RORA: variants seen among roughly 807,000 people sequenced by gnomAD.
RORA encodes the protein nuclear receptor ROR-alpha.
Under a neutral mutation model 69.5 loss-of-function variants are expected in RORA, and 7 were observed. The observed-to-expected ratio is 0.10, with a 90% CI of 0.06 to 0.19. The LOEUF is 0.19. Ranked by LOEUF, RORA falls within the 10% of genes least tolerant of loss-of-function variation. The probability of loss-of-function intolerance (pLI) is 1.00; values close to 1 mark genes in which losing one functional copy is unlikely to be tolerated. For missense variants in RORA, 457 were observed against 663.0 expected, an observed-to-expected ratio of 0.69 and a Z score of 3.41; for synonymous variants, 261 against 240.8, an observed-to-expected ratio of 1.08 and a Z score of -0.78.
intron 2 of RORA, among the ~76,000 whole-genome samples, chr15:60,583,049 G>A (rs952759970): frequency 1.3e-5 from 2 of 152,088 alleles, no homozygotes; most frequent in Non-Finnish European, 2.9e-5. Flanking sequence ...CCCCTCGGCC[G>A]CCAGCATCAC....
intron 1 of RORA, among the ~76,000 whole-genome samples, chr15:60,779,294 T>G (rs2072220044): frequency 6.6e-6 from 1 of 152,110 alleles, no homozygotes; most frequent in South Asian, 2.1e-4. Context: ...ACTCTTATCT[T>G]TTTGCATCCT....
chr15:60,617,636 A>G (rs2069281301), intron 2 of RORA, among the ~76,000 whole-genome samples: 1 of 147,894 alleles, frequency 6.8e-6, no homozygotes, highest in African/African-American at 2.5e-5. Flanking sequence ...ATACACACAC[A>G]CACGCACATA....
intron 2 of RORA, among the ~76,000 whole-genome samples, chr15:60,579,486 T>C (rs1169089730): frequency 1.3e-5 from 2 of 152,060 alleles, no homozygotes; most frequent in African/African-American, 4.8e-5. Context: ...TCCATTGTGG[T>C]AGTTCAACAT....
intron 1 of RORA, among the ~76,000 whole-genome samples, chr15:60,831,587 A>C (rs535269047): frequency 6.6e-6 from 1 of 152,196 alleles, no homozygotes; most frequent in Admixed American, 6.5e-5. Context: ...TAATATTTTA[A>C]TACAAAACAC....
chr15:60,960,860 T>C (rs1194715843), intron 1 of RORA, among the ~76,000 whole-genome samples: 2 of 152,106 alleles, frequency 1.3e-5, no homozygotes, highest in African/African-American at 4.8e-5. Context: ...AGGTATTATT[T>C]CAAATAACCT....
At position 60,531,718 on chromosome 15, in the gene RORA, A is replaced by G; in HGVS notation, c.282+48T>C. On this transcript the variant is annotated intron_variant, in intron 3 of 10. Transcript: ENST00000335670. The surrounding 1 kb of genome is among the most constrained non-coding windows in gnomAD (Gnocchi z 4.8). ...GTGGAGACATACAAATCACAAAGAT[A>G]TATTCTAACAAACATTAATAGAAAC... is the stretch of plus-strand genomic sequence containing the variant. 1 of 1,027,736 alleles carries G rather than the reference A, an allele frequency of 9.7e-7. No homozygotes were observed. Among genetic ancestry groups the G allele is most frequent in the Non-Finnish European group, 1.5e-6 (1 of 681,790 alleles). The allele number at this position is 1,027,736 out of a possible 1,614,324, so 63.7% of individuals were successfully genotyped here.
rs2079358918 is a variant in RORA at position 61,147,312 on chromosome 15, T to C, written c.166+81741A>G. Reference sequence around the variant, plus strand: ...CAGCCACGACTTTGGCCCTCTGTGGTGCCTGGCCAGTCCCACTAGGCTTGG... The same window carrying C: ...CAGCCACGACTTTGGCCCTCTGTGGCGCCTGGCCAGTCCCACTAGGCTTGG... On this transcript the variant is annotated intron_variant, in intron 1 of 10. Coordinates refer to ENST00000335670, the MANE Select transcript of RORA (RefSeq NM_134261.3). The surrounding 1 kb of genome is among the most constrained non-coding windows in gnomAD (Gnocchi z 4.1). 6.6e-6 allele frequency among the ~76,000 whole-genome samples: 1 copy of C among 152,154 alleles called. No homozygotes were observed. The highest frequency in any genetic ancestry group is 2.4e-5 in the African/African-American group (1 of 41,448).
chr15:60,651,297 C>T (rs995115325), intron 2 of RORA, among the ~76,000 whole-genome samples: 4 of 152,050 alleles, frequency 2.6e-5, no homozygotes, highest in Admixed American at 1.3e-4. Context: ...ATGAAAAAGC[C>T]GCTGTTTCCA....
chr15:60,717,193 C>T (rs55779219), intron 1 of RORA, among the ~76,000 whole-genome samples: 6 of 152,202 alleles, frequency 3.9e-5, no homozygotes, highest in Admixed American at 2.6e-4. Context: ...GTGGGAAAAA[C>T]TCCCACGCAT....
chr15:60,707,841 T>C (rs1410720557), intron 1 of RORA, among the ~76,000 whole-genome samples: 1 of 152,204 alleles, frequency 6.6e-6, no homozygotes, highest in South Asian at 2.1e-4. Context: ...GCCTGGAATA[T>C]CACCCTACTC....
chr15:61,149,338 G>A (rs1486458975), intron 1 of RORA, among the ~76,000 whole-genome samples: 1 of 152,122 alleles, frequency 6.6e-6, no homozygotes, highest in Non-Finnish European at 1.5e-5. Context: ...TTCATCTACA[G>A]AGAAACCTCA....
At chr15:60,566,468 G>A (rs571571428) in intron 2 of RORA, among the ~76,000 whole-genome samples, 1 of 152,272 alleles carries the variant, frequency 6.6e-6, no homozygotes, top group African/African-American at 2.4e-5. Flanking sequence ...AGTGCATACT[G>A]GTGGATGGAT....
intron 1 of RORA, among the ~76,000 whole-genome samples, chr15:60,818,828 A>G (rs2140375676): frequency 6.6e-6 from 1 of 152,342 alleles, no homozygotes; most frequent in African/African-American, 2.4e-5. Flanking sequence ...CCCTGTGTAC[A>G]TAAGCCCAGC....
chr15:60,515,941 ATATATATTTATATATT>A lies in RORA; in HGVS notation c.283-1200_283-1185del, dbSNP rs1318269042. Among the ~76,000 whole-genome samples, 159 of 17,056 alleles carry A rather than the reference ATATATATTTATATATT, an allele frequency of 9.3e-3. 10 individuals are homozygous for A. Among genetic ancestry groups the A allele is most frequent in the African/African-American group, 0.011 (33 of 3,072 alleles). The allele number at this position is 17,056 out of a possible 152,430, so 11.2% of individuals were successfully genotyped here. On this transcript the variant is annotated intron_variant, in intron 3 of 10. Coordinates refer to ENST00000335670, the MANE Select transcript of RORA (RefSeq NM_134261.3). ...TATATATATATTTATATATATATTT[ATATATATTTATATATT>A]TATATTTATATATATTTATATATTT...
intron 2 of RORA, among the ~76,000 whole-genome samples, chr15:60,536,211 A>C (rs935611531): frequency 6.6e-6 from 1 of 152,216 alleles, no homozygotes; most frequent in Non-Finnish European, 1.5e-5. Flanking sequence ...TGATACATAA[A>C]TGACATACCA....
intron 3 of RORA, among the ~76,000 whole-genome samples, chr15:60,517,865 CTT>C (rs2066017927): frequency 6.6e-6 from 1 of 152,134 alleles, no homozygotes. Flanking sequence ...TGAATGATCT[CTT>C]CTTTTTTTCT....
chr15:60,498,915 C>T (rs1366584587), intron 10 of RORA, among the ~76,000 whole-genome samples: 1 of 150,716 alleles, frequency 6.6e-6, no homozygotes, highest in Non-Finnish European at 1.5e-5. Flanking sequence ...AAAAACTTCT[C>T]ACATCATCTC....
rs559963711 is a variant in RORA at position 60,606,379 on chromosome 15, T to C, written c.196+72278A>G. 2.1e-3 allele frequency among the ~76,000 whole-genome samples: 325 copies of C among 152,356 alleles called. 1 individual carries two copies. Among genetic ancestry groups the C allele is most frequent in the Non-Finnish European group, 4.0e-3 (274 of 68,038 alleles). ...CTGCAATGTACTTGGAATTGGTATCTACGAAGAGTTCTATTTTCAGCTCCT... is the reference window on the plus strand; with the variant it reads ...CTGCAATGTACTTGGAATTGGTATCCACGAAGAGTTCTATTTTCAGCTCCT... On this transcript the variant is annotated intron_variant, in intron 2 of 10. Coordinates refer to ENST00000335670, the MANE Select transcript of RORA (RefSeq NM_134261.3).
At chr15:61,217,884 A>C (rs1186919336) in intron 1 of RORA, among the ~76,000 whole-genome samples, 1 of 152,160 alleles carries the variant, frequency 6.6e-6, no homozygotes, top group African/African-American at 2.4e-5. Context: ...ATAAATAATA[A>C]GTATTTACAT....
Sources: allele counts gnomAD v4.1 joint callset (sites outside exome capture counted in the v4.1 genomes callset), GRCh38; gene constraint gnomAD v4.1.1; non-coding constraint Gnocchi (gnomAD v3.1); transcripts MANE v1.5; gene names NCBI Gene and HGNC (gene_info 2026-07-23, HGNC 2026-07-21).